The following TOP1MT variants were observed in gnomAD, a reference collection of about 807,000 sequenced individuals.
TOP1MT encodes the protein DNA topoisomerase I, mitochondrial.
TOP1MT carries 80 observed loss-of-function variants against 73.9 expected under a neutral mutation model. The observed-to-expected ratio is 1.08, with a 90% CI of 0.90 to 1.30. TOP1MT has a LOEUF of 1.30. Ranked by LOEUF, TOP1MT falls within the 50% of genes most tolerant of loss-of-function variation. The probability of loss-of-function intolerance (pLI) is 0.00; values close to 1 mark genes in which losing one functional copy is unlikely to be tolerated. For synonymous variants in TOP1MT, 338 were observed against 326.4 expected, an observed-to-expected ratio of 1.04 and a Z score of -0.38; for missense variants, 815 against 808.0, an observed-to-expected ratio of 1.01 and a Z score of -0.10.
At chr8:143,319,524 C>T (rs1242650204) in intron 8 of TOP1MT, among the ~76,000 whole-genome samples, 4 of 150,056 alleles carry the variant, frequency 2.7e-5, no homozygotes, top group South Asian at 2.2e-4. Flanking sequence ...GTCACTGCGA[C>T]GTGGCGCCCA....
At chr8:143,342,556 TA>T (rs1254695256) in intron 2 of TOP1MT, among the ~76,000 whole-genome samples, 1 of 122,266 alleles carries the variant, frequency 8.2e-6, no homozygotes, top group Non-Finnish European at 1.7e-5. Context: ...TTATTATTAT[TA>T]GAGACAGAGT....
chr8:143,332,314 G>C (rs1466156176), intron 1 of TOP1MT, among the ~76,000 whole-genome samples: 1 of 152,236 alleles, frequency 6.6e-6, no homozygotes, highest in Non-Finnish European at 1.5e-5. Flanking sequence ...TCGGTCAGCA[G>C]GGCTGCGGGA....
upstream of TOP1MT, among the ~76,000 whole-genome samples, chr8:143,358,321 G>C (rs1052023581): frequency 6.6e-6 from 1 of 152,120 alleles, no homozygotes; most frequent in African/African-American, 2.4e-5. Flanking sequence ...TGATGTTTTT[G>C]ACAGGAAGAA....
exon 2 of TOP1MT, chr8:143,343,232 C>G (rs1057493127): frequency 2.2e-6 from 1 of 456,198 alleles, no homozygotes; most frequent in East Asian, 6.9e-5. Context: ...GGCCTTTTTT[C>G]TTGGGTGGCT....
At chr8:143,324,722 T>G in intron 5 of TOP1MT, 93 bp from the exon 6 acceptor site, 7 of 1,449,400 alleles carry the variant, frequency 4.8e-6, no homozygotes, top group Non-Finnish European at 5.6e-6. Context: ...TCCCACGTGG[T>G]GGCTATGGTG....
chr8:143,317,482 G>A (rs886990169), intron 10 of TOP1MT, among the ~76,000 whole-genome samples: 1 of 152,212 alleles, frequency 6.6e-6, no homozygotes, highest in African/African-American at 2.4e-5. Context: ...CTCAGCAGTA[G>A]GGGCCGCCCC....
At chr8:143,330,169 G>A (rs1194015315) in intron 2 of TOP1MT, among the ~76,000 whole-genome samples, 1 of 152,234 alleles carries the variant, frequency 6.6e-6, no homozygotes, top group Non-Finnish European at 1.5e-5. Flanking sequence ...CCAGAGACCA[G>A]CAGCACAGGC....
chr8:143,324,733 G>T (rs1474477445), intron 5 of TOP1MT, 104 bp from the exon 6 acceptor site: 5 of 1,410,156 alleles, frequency 3.5e-6, no homozygotes, highest in Non-Finnish European at 4.8e-6. Flanking sequence ...GGCTATGGTG[G>T]TGGCATGGCT....
At chr8:143,316,931 G>A (rs929704257) in intron 10 of TOP1MT, among the ~76,000 whole-genome samples, 1 of 152,178 alleles carries the variant, frequency 6.6e-6, no homozygotes, top group African/African-American at 2.4e-5. Context: ...CTCTCCTGGG[G>A]CTCTCACCTG....
At position 143,326,704 on chromosome 8, in the gene TOP1MT, G is replaced by A. The variant is rs914275899; in HGVS notation, c.361-360C>T. On this transcript the variant is annotated intron_variant, in intron 3 of 13. Coordinates refer to ENST00000329245, the MANE Select transcript of TOP1MT (RefSeq NM_052963.3). ...TCTCCAGTATGAAAACCCGGATGAC[G>A]ACCGCACTAAGGGCAACTGCAGAAA... 2.6e-5 allele frequency among the ~76,000 whole-genome samples: 4 copies of A among 152,200 alleles called. No individual in the cohort carries two copies. In the South Asian group the frequency reaches 8.3e-4, roughly 32 times the overall value.
At chr8:143,337,965 C>T (rs1817010936), upstream of TOP1MT, among the ~76,000 whole-genome samples, 1 of 152,144 alleles carries the variant, frequency 6.6e-6, no homozygotes, top group South Asian at 2.1e-4. Flanking sequence ...CCCACTTGCA[C>T]AATGTATCAC....
intron 1 of TOP1MT, chr8:143,343,455 G>A: frequency 2.9e-6 from 1 of 346,708 alleles, no homozygotes; most frequent in Non-Finnish European, 5.7e-6. Flanking sequence ...CCACGTGCTG[G>A]GCATCAAGGA....
chr8:143,338,038 G>A (rs569363111), upstream of TOP1MT, among the ~76,000 whole-genome samples: 8 of 152,232 alleles, frequency 5.3e-5, no homozygotes, highest in East Asian at 5.8e-4. Context: ...TCTGGACCTC[G>A]GGGAGCCCGG....
chr8:143,317,682 G>A (rs751432893), intron 10 of TOP1MT, 41 bp downstream of exon 10: 43 of 1,448,206 alleles, frequency 3.0e-5, no homozygotes, highest in East Asian at 1.2e-4. Flanking sequence ...GGCAGGGGCC[G>A]TGCTCCCCCC....
At chr8:143,331,442 C>T in intron 1 of TOP1MT, 103 bp from the exon 2 acceptor site, 1 of 941,478 alleles carries the variant, frequency 1.1e-6, no homozygotes, top group Non-Finnish European at 1.6e-6. Flanking sequence ...AGCAGGTGAG[C>T]AGTGTGGCCT....
chr8:143,315,875 T>C, intron 11 of TOP1MT, 54 bp from the exon 12 acceptor site: 2 of 1,604,418 alleles, frequency 1.2e-6, no homozygotes, highest in Non-Finnish European at 1.7e-6. Flanking sequence ...CACCAGCCCC[T>C]GTGCCCACAC....
At chr8:143,346,792 A>C (rs1817228057), upstream of TOP1MT, among the ~76,000 whole-genome samples, 1 of 152,136 alleles carries the variant, frequency 6.6e-6, no homozygotes, top group Non-Finnish European at 1.5e-5. Flanking sequence ...GCATTACCCC[A>C]GGGGCAGAAG....
intron 1 of TOP1MT, among the ~76,000 whole-genome samples, chr8:143,333,251 C>T (rs1816908605): frequency 1.3e-5 from 2 of 151,712 alleles, no homozygotes; most frequent in Admixed American, 6.6e-5. Flanking sequence ...GTTCGAGACC[C>T]GCCTGGCCAA....
At chr8:143,340,723 C>T (rs961171036) in intron 2 of TOP1MT, among the ~76,000 whole-genome samples, 1 of 152,248 alleles carries the variant, frequency 6.6e-6, no homozygotes, top group African/African-American at 2.4e-5. Context: ...CTTTTCATTT[C>T]TTTGGTTTTC....
Sources: gnomAD v4.1 joint callset for allele counts (sites outside exome capture counted in the v4.1 genomes callset) on GRCh38, gnomAD v4.1.1 for gene constraint, MANE v1.5 for transcripts, NCBI Gene and HGNC (gene_info 2026-07-23, HGNC 2026-07-21) for gene names.